CCDC85C: variants seen among roughly 807,000 people sequenced by gnomAD.
The protein encoded by CCDC85C is coiled-coil domain containing 85C, also known as coiled-coil domain-containing protein 85C.
Under a neutral mutation model 38.3 loss-of-function variants are expected in CCDC85C, and 18 were observed. That is an observed-to-expected ratio of 0.47 (90% CI 0.33 to 0.70). CCDC85C has a LOEUF of 0.70. Ranked by LOEUF, CCDC85C falls within the 30% of genes least tolerant of loss-of-function variation. CCDC85C has a pLI of 0.03. For synonymous variants in CCDC85C, 264 were observed against 293.8 expected (o/e 0.90, Z 1.04); for missense variants, 566 against 621.2 (o/e 0.91, Z 0.94).
chr14:99,595,244 G>GTTTGGT (rs71464617), intron 1 of CCDC85C, among the ~76,000 whole-genome samples: 17,020 of 151,962 alleles, frequency 0.11, 1,211 homozygotes, highest in Non-Finnish European at 0.15. Context: ...TTTTGGTTTC[G>GTTTGGT]TTTGGTTTTG....
rs956581042 is a variant in CCDC85C at position 99,517,091 on chromosome 14, C to A, written c.1068G>T (p.Met356Ile). ...GQKPEAVVHA[M>I]KVLEVHENLD... Reference sequence around the variant, plus strand: ...GGGAGCGGGTAGTGGCCCTCACCTTCATGGCATGCACGACAGCCTCGGGCT... The same window carrying A: ...GGGAGCGGGTAGTGGCCCTCACCTTAATGGCATGCACGACAGCCTCGGGCT... Residue 356 changes from methionine to isoleucine, a missense_variant, in exon 4 of 6, where the codon ATG becomes ATT. Physicochemically the swap from Met to Ile is conservative, Grantham distance 10. This residue lies in a region of CCDC85C where 286 missense variants were observed against 276.4 expected (regional missense o/e 1.03). Transcript: ENST00000380243. The A allele has an allele frequency of 1.3e-6, 2 of 1,550,400 alleles. No homozygotes were observed. Among genetic ancestry groups the A allele is most frequent in the African/African-American group, 2.7e-5 (2 of 73,042 alleles).
intron 2 of CCDC85C, among the ~76,000 whole-genome samples, chr14:99,523,114 A>T (rs1015119356): frequency 6.6e-6 from 1 of 152,176 alleles, no homozygotes; most frequent in Non-Finnish European, 1.5e-5. Flanking sequence ...GTGGCTGGGC[A>T]GATAAAACCC....
rs2140002270 is a variant in CCDC85C, at chr14:99,604,069, G to A, written c.-110C>T. Reference sequence around the variant, plus strand: ...GCGGGCGGGGGGCGGCCGGGGGCGCGTGCGGCCCGCCCCGCGCCGCCTGGC... The same window carrying A: ...GCGGGCGGGGGGCGGCCGGGGGCGCATGCGGCCCGCCCCGCGCCGCCTGGC... On this transcript the variant is annotated 5_prime_UTR_variant, in exon 1 of 6. The change creates a new upstream start codon in the 5' untranslated region. Transcript: ENST00000380243. 5 of 967,610 alleles carry A rather than the reference G, an allele frequency of 5.2e-6. No homozygotes were observed. The highest frequency in any genetic ancestry group is 6.1e-6 in the Non-Finnish European group (5 of 817,320). 59.9% of individuals were successfully genotyped at this position (967,610 alleles called of 1,614,324 possible). A position where few individuals can be genotyped will look rare whatever the true frequency, so the allele number is the denominator to read the frequency against.
chr14:99,580,200 C>T (rs2139974803), intron 1 of CCDC85C: 1 of 443,024 alleles, frequency 2.3e-6, no homozygotes, highest in East Asian at 7.0e-5. Context: ...TCAGGTGTGG[C>T]CCCGGAGCTC....
In CCDC85C at chr14:99,510,768, G is replaced by A. The variant is rs1041854216; in HGVS notation, c.*4478C>T. On this transcript the variant is annotated 3_prime_UTR_variant, in exon 6 of 6. Coordinates refer to ENST00000380243, the MANE Select transcript of CCDC85C (RefSeq NM_001144995.2). Reference sequence around the variant, plus strand: ...TCCAGTTGGGGGGCTGGGGCGGGCAGCCTGGATGAGATAACGTGAGCCTTT... The same window carrying A: ...TCCAGTTGGGGGGCTGGGGCGGGCAACCTGGATGAGATAACGTGAGCCTTT... 1 of 1,458,038 alleles carries A rather than the reference G, an allele frequency of 6.9e-7. No homozygotes were observed. The highest frequency in any genetic ancestry group is 9.0e-7 in the Non-Finnish European group (1 of 1,106,716). The allele number at this position is 1,458,038 out of a possible 1,614,324, so 90.3% of individuals were successfully genotyped here.
Position 99,558,995 on chromosome 14 carries a change from T to C in CCDC85C, c.794-22907A>G, listed in dbSNP as rs1398409989. On this transcript the variant is annotated intron_variant, in intron 1 of 5. Coordinates refer to ENST00000380243, the MANE Select transcript of CCDC85C (RefSeq NM_001144995.2). This position sits in a 1 kb window ranked among gnomAD's most constrained non-coding sequence, Gnocchi z 4.2. ...TGTGTGGCTCCTCCCCGCACTCTACTCCCCTCTTTCTCCTGCTCCCGCCTG... is the reference window on the plus strand; with the variant it reads ...TGTGTGGCTCCTCCCCGCACTCTACCCCCCTCTTTCTCCTGCTCCCGCCTG... Among the ~76,000 whole-genome samples, 3 of 152,024 alleles carry C rather than the reference T, an allele frequency of 2.0e-5. No individual in the cohort carries two copies. The highest frequency in any genetic ancestry group is 4.4e-5 in the Non-Finnish European group (3 of 68,000).
intron 2 of CCDC85C, chr14:99,534,657 C>T: frequency 1.4e-6 from 1 of 702,370 alleles, no homozygotes; most frequent in Non-Finnish European, 2.6e-6. Flanking sequence ...GTCACTTCTG[C>T]CTACAGCTTC....
At chr14:99,523,245 A>T (rs751222395) in intron 2 of CCDC85C, among the ~76,000 whole-genome samples, 10 of 152,172 alleles carry the variant, frequency 6.6e-5, no homozygotes, top group Non-Finnish European at 1.3e-4. Flanking sequence ...GGCTGCAGCC[A>T]TGTCTGGGGT....
intron 1 of CCDC85C, among the ~76,000 whole-genome samples, chr14:99,602,262 T>A (rs532606499): frequency 6.6e-6 from 1 of 152,194 alleles, no homozygotes; most frequent in South Asian, 2.1e-4. Flanking sequence ...GGCTGCAAGC[T>A]CCCACAGCCC....
chr14:99,555,545 G>A (rs2021929), intron 1 of CCDC85C, among the ~76,000 whole-genome samples: 75,108 of 152,070 alleles, frequency 0.49, 18,692 homozygotes, highest in South Asian at 0.57. Context: ...AGGGATTACA[G>A]CCCTGTTGGA....
chr14:99,598,489 G>C (rs1400283114), intron 1 of CCDC85C, among the ~76,000 whole-genome samples: 1 of 152,184 alleles, frequency 6.6e-6, no homozygotes, highest in Non-Finnish European at 1.5e-5. Flanking sequence ...CAAGAGATGG[G>C]GAGCCACAGC....
intron 1 of CCDC85C, among the ~76,000 whole-genome samples, chr14:99,553,738 G>A (rs1595360119): frequency 1.3e-5 from 2 of 152,178 alleles, no homozygotes; most frequent in South Asian, 2.1e-4. Flanking sequence ...ACTGCATGCC[G>A]AGCCCCCAAG....
intron 1 of CCDC85C, among the ~76,000 whole-genome samples, chr14:99,599,267 T>C (rs968683446): frequency 1.3e-5 from 2 of 151,908 alleles, no homozygotes; most frequent in Non-Finnish European, 2.9e-5. Flanking sequence ...AAAAAGTAAA[T>C]GGGGCTCATG....
Position 99,503,128 on chromosome 14 carries a change from G to T in CCDC85C, c.*12118C>A. On this transcript the variant is annotated 3_prime_UTR_variant, in exon 6 of 6. Coordinates refer to ENST00000380243, the MANE Select transcript of CCDC85C (RefSeq NM_001144995.2). ...AAACTCGCAGTCCGACTGCTTGTCG[G>T]TGGGGAGCCTGAAAACAAAGGTGCT... The T allele has an allele frequency of 1.1e-6, 1 of 951,566 alleles. No homozygotes were observed. The highest frequency in any genetic ancestry group is 1.3e-5 in the South Asian group (1 of 75,378). 58.9% of individuals were successfully genotyped at this position (951,566 alleles called of 1,614,324 possible).
chr14:99,581,899 C>T (rs1287196566), intron 1 of CCDC85C, among the ~76,000 whole-genome samples: 4 of 152,200 alleles, frequency 2.6e-5, no homozygotes, highest in African/African-American at 9.7e-5. Flanking sequence ...TGACCATTAC[C>T]GACGCATCAC....
Position 99,500,644 on chromosome 14 carries a change from G to C in CCDC85C, c.*14602C>G. On this transcript the variant is annotated 3_prime_UTR_variant, in exon 6 of 6. Transcript: ENST00000380243. ...AAGTCTGAGTGGGAGAGAAAGGAAG[G>C]AAAGGCAGTTGCTAAAATATAACTT... The C allele has an allele frequency of 1.4e-6, 1 of 697,522 alleles. No homozygotes were observed. Among genetic ancestry groups the C allele is most frequent in the Non-Finnish European group, 2.6e-6 (1 of 391,488 alleles). The allele number at this position is 697,522 out of a possible 1,614,324, so 43.2% of individuals were successfully genotyped here.
rs1897074402 is a variant in CCDC85C, at chr14:99,509,818, C to CA, written c.*5427dup. On this transcript the variant is annotated 3_prime_UTR_variant, in exon 6 of 6. Coordinates refer to ENST00000380243, the MANE Select transcript of CCDC85C (RefSeq NM_001144995.2). The stretch of plus-strand genomic sequence containing the variant: ...GGGTCAGTTTCTGAAGGCAGAAAAA[C>CA]AGAGGAGCCCCCACACGTTTTGCAC... The CA allele has an allele frequency of 2.7e-6, 1 of 363,978 alleles. No homozygotes were observed. Among genetic ancestry groups the CA allele is most frequent in the East Asian group, 5.1e-5 (1 of 19,718 alleles). The allele number at this position is 363,978 out of a possible 1,614,324, so 22.5% of individuals were successfully genotyped here.
At chr14:99,593,650 C>A (rs1012613013) in intron 1 of CCDC85C, among the ~76,000 whole-genome samples, 5 of 152,246 alleles carry the variant, frequency 3.3e-5, no homozygotes, top group African/African-American at 1.2e-4. Flanking sequence ...TCACTGCTAA[C>A]GTGAACTGAC....
In CCDC85C at chr14:99,516,703, G is replaced by C. The variant is rs189011482; in HGVS notation, c.1071+385C>G. Among the ~76,000 whole-genome samples, 32 of 152,254 alleles carry C rather than the reference G, an allele frequency of 2.1e-4. No individual in the cohort carries two copies. The highest frequency in any genetic ancestry group is 3.7e-4 in the Non-Finnish European group (25 of 68,010). On this transcript the variant is annotated intron_variant, in intron 4 of 5. Coordinates refer to ENST00000380243, the MANE Select transcript of CCDC85C (RefSeq NM_001144995.2). The surrounding 1 kb of genome is among the most constrained non-coding windows in gnomAD (Gnocchi z 5.5). The stretch of plus-strand genomic sequence containing the variant: ...GGCATGGGAGTGGGGACTGTGCTCA[G>C]GTGTGCACAGCCTGGAGGAACCGGA...
Sources: gnomAD v4.1 joint callset for allele counts (sites outside exome capture counted in the v4.1 genomes callset) on GRCh38, gnomAD v4.1.1 for gene constraint, gnomAD v4.1.1 regional missense constraint, Gnocchi (gnomAD v3.1) non-coding constraint, MANE v1.5 for transcripts, NCBI Gene and HGNC (gene_info 2026-07-23, HGNC 2026-07-21) for gene names.